Variants in TMTC2 observed in about 807,000 individuals in gnomAD.
TMTC2 encodes the protein protein O-mannosyl-transferase TMTC2.
A neutral mutation model predicts 82.4 loss-of-function variants in TMTC2; 43 were observed. That is an observed-to-expected ratio of 0.52 (90% CI 0.41 to 0.67). TMTC2 has a LOEUF of 0.67. Ranked by LOEUF, TMTC2 falls within the 30% of genes least tolerant of loss-of-function variation. The probability of loss-of-function intolerance (pLI) is 0.00; values close to 1 mark genes in which losing one functional copy is unlikely to be tolerated. For synonymous variants in TMTC2, 408 were observed against 381.9 expected (o/e 1.07, Z -0.80); for missense variants, 919 against 1,012.4 (o/e 0.91, Z 1.25).
At chr12:82,869,024 A>C (rs1475176102) in intron 2 of TMTC2, among the ~76,000 whole-genome samples, 1 of 152,196 alleles carries the variant, frequency 6.6e-6, no homozygotes, top group Non-Finnish European at 1.5e-5. Flanking sequence ...TATCTTGGTA[A>C]CTTTGGCTTA....
intron 8 of TMTC2, among the ~76,000 whole-genome samples, chr12:83,010,411 A>G (rs1880403485): frequency 6.6e-6 from 1 of 152,158 alleles, no homozygotes; most frequent in Non-Finnish European, 1.5e-5. Flanking sequence ...CTCACCCATC[A>G]TGATTGCCTG....
At chr12:83,034,629 T>C (rs1429939441) in intron 9 of TMTC2, among the ~76,000 whole-genome samples, 6 of 152,232 alleles carry the variant, frequency 3.9e-5, no homozygotes, top group Non-Finnish European at 7.3e-5. Context: ...TTGGAAGTAG[T>C]TGTGGGAATG....
chr12:83,090,886 G>A (rs1205237496), intron 11 of TMTC2, among the ~76,000 whole-genome samples: 2 of 152,112 alleles, frequency 1.3e-5, no homozygotes, highest in Admixed American at 6.6e-5. Context: ...AGGCATAAAC[G>A]AGATAGCCCG....
At chr12:83,022,278 A>G (rs1045797598) in intron 8 of TMTC2, among the ~76,000 whole-genome samples, 8 of 151,998 alleles carry the variant, frequency 5.3e-5, no homozygotes, top group African/African-American at 1.9e-4. Context: ...AACATGTCAG[A>G]TCTTTGCCTG....
At chr12:83,051,110 C>G in intron 10 of TMTC2, 92 bp downstream of exon 10, 6 of 812,888 alleles carry the variant, frequency 7.4e-6, no homozygotes, top group Non-Finnish European at 1.2e-5. Flanking sequence ...ATTCCACATT[C>G]TCAATGTGAG....
At chr12:83,067,445 T>TG (rs1016700030) in intron 11 of TMTC2, among the ~76,000 whole-genome samples, 8 of 151,764 alleles carry the variant, frequency 5.3e-5, no homozygotes, top group African/African-American at 1.9e-4. Context: ...CCAAGGTGAG[T>TG]GGGGGGTGCA....
chr12:82,729,252 C>T (rs1874634076), intron 1 of TMTC2, among the ~76,000 whole-genome samples: 1 of 152,220 alleles, frequency 6.6e-6, no homozygotes, highest in Admixed American at 6.5e-5. Context: ...CCAATTGGCA[C>T]TCTGTATCTA....
chr12:82,986,163 G>A, intron 8 of TMTC2, 117 bp downstream of exon 8: 3 of 1,392,152 alleles, frequency 2.2e-6, no homozygotes, highest in Admixed American at 1.8e-5. Flanking sequence ...ATGCAATGGT[G>A]GTGATACTAA....
At chr12:82,745,841 T>C (rs1334468465) in intron 1 of TMTC2, among the ~76,000 whole-genome samples, 1 of 152,240 alleles carries the variant, frequency 6.6e-6, no homozygotes, top group Non-Finnish European at 1.5e-5. Context: ...AGGAATATAA[T>C]GCACGTTTCT....
At chr12:82,913,991 T>G (rs1874850913) in intron 3 of TMTC2, among the ~76,000 whole-genome samples, 1 of 152,126 alleles carries the variant, frequency 6.6e-6, no homozygotes, top group Non-Finnish European at 1.5e-5. Flanking sequence ...AAAATCCACA[T>G]ATAAGTAGAA....
chr12:83,076,347 T>A (rs1275381987), intron 11 of TMTC2, among the ~76,000 whole-genome samples: 1 of 152,204 alleles, frequency 6.6e-6, no homozygotes, highest in African/African-American at 2.4e-5. Flanking sequence ...ATCAAAACCT[T>A]TGGGAAATTT....
intron 10 of TMTC2, among the ~76,000 whole-genome samples, chr12:83,061,484 C>A (rs911812816): frequency 5.9e-5 from 9 of 151,556 alleles, no homozygotes; most frequent in Non-Finnish European, 1.3e-4. Flanking sequence ...TAATATATTA[C>A]CTAGTTTTGC....
intron 9 of TMTC2, among the ~76,000 whole-genome samples, chr12:83,032,257 T>TTTTATATATA (rs1281689866): frequency 3.8e-5 from 5 of 130,858 alleles, no homozygotes; most frequent in African/African-American, 8.8e-5. Context: ...AGAGAATATT[T>TTTTATATATA]TATATATATA....
rs1326882965 is a variant in TMTC2 at position 82,857,487 on chromosome 12, A to G, written c.561A>G (p.Glu187=). ...CAGGATGCAGCATGTTGTGGAAGGA[A>G]CAAGGAGTGACTGTTCTCGCAGTTT... ...LCAGCSMLWK[E]QGVTVLAVSA... Residue 187 remains glutamate, a synonymous_variant, in exon 2 of 12, where the codon GAA becomes GAG. Transcript: ENST00000321196. 1 of 1,614,210 alleles carries G rather than the reference A, an allele frequency of 6.2e-7. No individual in the cohort carries two copies. Among genetic ancestry groups the G allele is most frequent in the South Asian group, 1.1e-5 (1 of 91,082 alleles).
intron 3 of TMTC2, among the ~76,000 whole-genome samples, chr12:82,909,135 T>G (rs1796208): frequency 0.04 from 6,073 of 152,118 alleles, 430 homozygotes; most frequent in African/African-American, 0.14. Context: ...CTAAGTTTTT[T>G]AAATTTTTTT....
chr12:83,114,591 A>G (rs2137550738), intron 11 of TMTC2, among the ~76,000 whole-genome samples: 1 of 152,348 alleles, frequency 6.6e-6, no homozygotes, highest in African/African-American at 2.4e-5. Context: ...AGTATTTTTA[A>G]TAAATCCTAT....
chr12:82,789,283 A>G (rs1326714782), intron 1 of TMTC2, among the ~76,000 whole-genome samples: 2 of 152,158 alleles, frequency 1.3e-5, no homozygotes, highest in African/African-American at 4.8e-5. Flanking sequence ...TGTCAGGGGA[A>G]AAAAGAGAAT....
chr12:82,777,431 T>A (rs915492500), intron 1 of TMTC2, among the ~76,000 whole-genome samples: 3 of 152,120 alleles, frequency 2.0e-5, no homozygotes, highest in African/African-American at 7.2e-5. Context: ...CTAATAATGA[T>A]TCTCTCTTTC....
chr12:82,746,808 T>C (rs532378240), intron 1 of TMTC2, among the ~76,000 whole-genome samples: 1 of 152,322 alleles, frequency 6.6e-6, no homozygotes, highest in South Asian at 2.1e-4. Context: ...CTACTCACTC[T>C]GCTATTGCCA....
Sources: gnomAD v4.1 joint callset for allele counts (sites outside exome capture counted in the v4.1 genomes callset) on GRCh38, gnomAD v4.1.1 for gene constraint, MANE v1.5 for transcripts, NCBI Gene and HGNC (gene_info 2026-07-23, HGNC 2026-07-21) for gene names.